CNGB1: variants seen among roughly 807,000 people sequenced by gnomAD.
CNGB1 encodes the protein cyclic nucleotide-gated channel beta-1.
In CNGB1, 126 loss-of-function variants were observed where a neutral mutation model predicts 151.7. The observed-to-expected ratio is 0.83, with a 90% CI of 0.72 to 0.96. The LOEUF is 0.96. CNGB1 is among the 40% of genes least tolerant of loss of function. CNGB1 has a pLI of 0.00. For synonymous variants in CNGB1, 623 were observed against 635.1 expected (o/e 0.98, Z 0.29); for missense variants, 1,698 against 1,627.0 (o/e 1.04, Z -0.75).
chr16:57,955,162 G>A, intron 12 of CNGB1: 1 of 1,493,114 alleles, frequency 6.7e-7, no homozygotes, highest in Non-Finnish European at 8.9e-7. Flanking sequence ...TGGGGCTGGT[G>A]CAGGTGACTC....
intron 17 of CNGB1, among the ~76,000 whole-genome samples, chr16:57,929,476 G>GGAGAGAGAGA (rs59227159): frequency 0.019 from 2,747 of 145,788 alleles, 88 homozygotes; most frequent in African/African-American, 0.064. Context: ...AGAGAGAGAG[G>GGAGAGAGAGA]GAGAGAGAGA....
intron 12 of CNGB1, among the ~76,000 whole-genome samples, chr16:57,951,015 C>A (rs1597006101): frequency 6.6e-6 from 1 of 152,328 alleles, no homozygotes; most frequent in East Asian, 1.9e-4. Context: ...TGACAGCACG[C>A]CCATACGTTC....
At chr16:57,932,902 A>C (rs1201713431) in intron 16 of CNGB1, among the ~76,000 whole-genome samples, 1 of 145,522 alleles carries the variant, frequency 6.9e-6, no homozygotes, top group East Asian at 2.1e-4. Flanking sequence ...TTCTTTTTAA[A>C]AATTATTTTA....
chr16:57,931,684 G>A lies in CNGB1; in HGVS notation c.1535+32C>T, dbSNP rs368744707. On this transcript the variant is annotated intron_variant, in intron 17 of 32. Coordinates refer to ENST00000251102, the MANE Select transcript of CNGB1 (RefSeq NM_001297.5). ...CCAAATAAACAGGTGGCACAGTGCC[G>A]AGAAAAGCCCAAGAGAAGCATAAAA... is the stretch of plus-strand genomic sequence containing the variant. The A allele has an allele frequency of 5.5e-5, 88 of 1,612,206 alleles. 1 individual carries two copies. The East Asian group carries it at 1.2e-3, about 22-fold the overall frequency.
intron 11 of CNGB1, 21 bp from the exon 12 acceptor site, chr16:57,957,398 G>C: frequency 6.2e-7 from 1 of 1,613,496 alleles, no homozygotes; most frequent in Non-Finnish European, 8.5e-7. Flanking sequence ...AGAGAAAAAA[G>C]GGAAAATCCT....
At chr16:57,940,468 G>T in intron 14 of CNGB1, 147 bp from the exon 15 acceptor site, 1 of 705,320 alleles carries the variant, frequency 1.4e-6, no homozygotes, top group Non-Finnish European at 2.4e-6. Flanking sequence ...GAGCCTCCAG[G>T]GCAGTGTCCT....
At position 57,888,013 on chromosome 16, in the gene CNGB1, G is replaced by A. The variant is rs201231319; in HGVS notation, c.3304C>T (p.Arg1102Trp). 5.9e-5 allele frequency: 96 copies of A among 1,614,178 alleles called. No individual in the cohort carries two copies. Among genetic ancestry groups the A allele is most frequent in the East Asian group, 2.5e-4 (11 of 44,882 alleles). Residue 1102 changes from arginine to tryptophan, a missense_variant, in exon 32 of 33, where the codon CGG becomes TGG. Arg to Trp is a moderately radical substitution (Grantham distance 101). Transcript: ENST00000251102. The part of the protein sequence containing the change: ...EEKSVLILPP[R>W]AGTPKLFNAA... ...TTGAAGAGCTTTGGGGTGCCCGCCC[G>A]GGGTGGAAGGATCAGCACGCTCTTC...
intron 14 of CNGB1, among the ~76,000 whole-genome samples, chr16:57,944,764 G>A (rs1040848957): frequency 1.3e-5 from 2 of 151,648 alleles, no homozygotes; most frequent in South Asian, 2.1e-4. Context: ...AGACCAGCCT[G>A]GCCAATTTGG....
chr16:57,970,489 G>A (rs1962512935), intron 1 of CNGB1, among the ~76,000 whole-genome samples: 1 of 152,222 alleles, frequency 6.6e-6, no homozygotes, highest in African/African-American at 2.4e-5. Flanking sequence ...ACTCAGGTCT[G>A]CCCGATTCCA....
rs528713165 is a variant in CNGB1, at chr16:57,903,713, G to A, written c.2794+109C>T. 7.1e-5 allele frequency: 94 copies of A among 1,326,572 alleles called. 1 individual carries two copies. In the South Asian group the frequency reaches 1.1e-3, roughly 15 times the overall value. The allele number at this position is 1,326,572 out of a possible 1,614,324, so 82.2% of individuals were successfully genotyped here. On this transcript the variant is annotated intron_variant, in intron 27 of 32. Transcript: ENST00000251102. ...AGCCAAGACAGGCCCCAGTACTCGG[G>A]ACCTCAGAGACACAGAGGACGAGGG...
intron 16 of CNGB1, among the ~76,000 whole-genome samples, chr16:57,936,799 CA>C (rs11400925): frequency 1.6e-5 from 2 of 128,714 alleles, no homozygotes; most frequent in Admixed American, 7.9e-5. Context: ...AACAAACAAA[CA>C]AAAAAAAAAC....
At chr16:57,969,453 C>T (rs1003305448) in intron 1 of CNGB1, among the ~76,000 whole-genome samples, 3 of 152,042 alleles carry the variant, frequency 2.0e-5, no homozygotes, top group African/African-American at 7.2e-5. Flanking sequence ...CCTGTCTCTA[C>T]CAAAAATACA....
chr16:57,901,380 T>TAG lies in CNGB1; in HGVS notation c.2946_2947dup (p.Tyr983SerfsTer39). The TAG allele has an allele frequency of 6.2e-7, 1 of 1,614,022 alleles. No homozygotes were observed. Among genetic ancestry groups the TAG allele is most frequent in the Non-Finnish European group, 8.5e-7 (1 of 1,180,016 alleles). ...CTTGCACACATAGTCGTTGGGCAGG[T>TAG]AGACAACAGAGCGAAGCCTCTTCAG... On this transcript the variant is annotated frameshift_variant, in exon 29 of 33. Coordinates refer to ENST00000251102, the MANE Select transcript of CNGB1 (RefSeq NM_001297.5). LOFTEE classifies it high-confidence loss of function.
At chr16:57,964,419 C>T in intron 3 of CNGB1, 68 bp downstream of exon 3, 1 of 1,590,074 alleles carries the variant, frequency 6.3e-7, no homozygotes, top group South Asian at 1.1e-5. Context: ...CTCGTGGGCT[C>T]TGCGGCTCCG....
At chr16:57,939,259 C>T (rs1429756046) in intron 16 of CNGB1, among the ~76,000 whole-genome samples, 171 bp downstream of exon 16, 2 of 152,126 alleles carry the variant, frequency 1.3e-5, no homozygotes, top group African/African-American at 2.4e-5. Context: ...GATAATGTGG[C>T]CCCAAGACAC....
intron 14 of CNGB1, among the ~76,000 whole-genome samples, chr16:57,949,130 G>T (rs1489451008): frequency 4.0e-5 from 6 of 150,570 alleles, no homozygotes; most frequent in South Asian, 2.1e-4. Context: ...ATTCTAGTGT[G>T]TGTGGGGGGG....
In CNGB1 at chr16:57,920,535, G is replaced by T. The variant is rs751012409; in HGVS notation, c.1653C>A (p.Asp551Glu). ...PTTPKDTDGQ[D>E]RAASTASTNS... is the part of the protein sequence containing the mutation. ...TTGTGCTGGCCGTGGAGGCCGCACGGTCCTGGCCACTGTGGGAACATCACC... is the reference window on the plus strand; with the variant it reads ...TTGTGCTGGCCGTGGAGGCCGCACGTTCCTGGCCACTGTGGGAACATCACC... The change falls in exon 19 of 33, where the codon GAC (aspartate) becomes GAA (glutamate). Residue 551 changes from aspartate (D) to glutamate (E), a missense_variant. By Grantham distance (45) the Asp-to-Glu change is conservative (BLOSUM62 2). Transcript: ENST00000251102. 6.2e-7 allele frequency: 1 copy of T among 1,612,910 alleles called. No individual in the cohort carries two copies. The highest frequency in any genetic ancestry group is 8.5e-7 in the Non-Finnish European group (1 of 1,180,034).
At position 57,884,255 on chromosome 16, in the gene CNGB1, G is replaced by A. The variant is rs1959841067; in HGVS notation, c.3665C>T (p.Ser1222Leu). 6.2e-6 allele frequency: 10 copies of A among 1,613,802 alleles called. No individual in the cohort carries two copies. Among genetic ancestry groups the A allele is most frequent in the Admixed American group, 1.7e-5 (1 of 60,022 alleles). Reference protein sequence around the residue: ...EEGPAEPEEHSVRICMSPGPE... With the variant: ...EEGPAEPEEHLVRICMSPGPE... ...GCCCGGGCTCATGCAGATCCTCACC[G>A]AGTGCTCTTCGGGCTCGGCCGGCCC... Residue 1222 changes from serine to leucine, a missense_variant, in exon 33 of 33, where the codon TCG becomes TTG. Ser to Leu is a moderately radical substitution (Grantham distance 145). Coordinates refer to ENST00000251102, the MANE Select transcript of CNGB1 (RefSeq NM_001297.5).
At chr16:57,920,046 A>G (rs1960984735) in intron 19 of CNGB1, among the ~76,000 whole-genome samples, 1 of 152,240 alleles carries the variant, frequency 6.6e-6, no homozygotes, top group South Asian at 2.1e-4. Flanking sequence ...GTTCCAGAGC[A>G]GGCTGTGCAC....
Sources: allele counts gnomAD v4.1 joint callset (sites outside exome capture counted in the v4.1 genomes callset), GRCh38; gene constraint gnomAD v4.1.1; transcripts MANE v1.5; gene names NCBI Gene and HGNC (gene_info 2026-07-23, HGNC 2026-07-21).